The following RPH3A variants were observed in gnomAD, a reference collection of about 807,000 sequenced individuals.
The protein encoded by RPH3A is rabphilin-3A.
A neutral mutation model predicts 102.2 loss-of-function variants in RPH3A; 48 were observed. The observed-to-expected ratio is 0.47, with a 90% CI of 0.37 to 0.60. The LOEUF (loss-of-function observed/expected upper bound fraction) is 0.60. Among genes scored for constraint, RPH3A ranks in the 20% least tolerant of loss-of-function variants. RPH3A has a pLI of 0.00. For synonymous variants in RPH3A, 310 were observed against 324.3 expected, an observed-to-expected ratio of 0.96 and a Z score of 0.47; for missense variants, 781 against 910.1, an observed-to-expected ratio of 0.86 and a Z score of 1.83.
rs115689548 is a variant in RPH3A, at chr12:112,865,580, C to G, written c.360+37C>G. 1.1e-5 allele frequency: 18 copies of G among 1,602,758 alleles called. No homozygotes were observed. In the African/African-American group the frequency reaches 2.4e-4, roughly 22 times the overall value. The stretch of plus-strand genomic sequence containing the variant: ...CTCTTCTCCCTTCTTCCCTGTGCAG[C>G]ACCTGCAGAGGGGAAAGTCCTAGGC... On this transcript the variant is annotated intron_variant, in intron 6 of 21. Coordinates refer to ENST00000389385, the MANE Select transcript of RPH3A (RefSeq NM_001143854.2).
intron 1 of RPH3A, among the ~76,000 whole-genome samples, chr12:112,733,934 A>G (rs1260010847): frequency 6.6e-6 from 1 of 152,186 alleles, no homozygotes; most frequent in African/African-American, 2.4e-5. Context: ...TAGTATTATT[A>G]CTATGTTAAT....
chr12:112,615,575 C>T (rs530977453), intron 1 of RPH3A, among the ~76,000 whole-genome samples: 8 of 152,222 alleles, frequency 5.3e-5, no homozygotes, highest in Admixed American at 1.3e-4. Flanking sequence ...CTAGAGATCT[C>T]GGCTGCAGAA....
chr12:112,639,999 G>T (rs1265361031), intron 1 of RPH3A, among the ~76,000 whole-genome samples: 2 of 151,994 alleles, frequency 1.3e-5, no homozygotes, highest in African/African-American at 4.8e-5. Flanking sequence ...TCATACAGCT[G>T]GGAAATAGTG....
chr12:112,847,040 T>A (rs1441684530), intron 4 of RPH3A, among the ~76,000 whole-genome samples: 4 of 152,214 alleles, frequency 2.6e-5, no homozygotes, highest in African/African-American at 9.6e-5. Flanking sequence ...GAGGATTGAA[T>A]GAGGTAATGC....
At chr12:112,798,389 T>A (rs1327928636) in intron 2 of RPH3A, among the ~76,000 whole-genome samples, 1 of 152,242 alleles carries the variant, frequency 6.6e-6, no homozygotes, top group Non-Finnish European at 1.5e-5. Context: ...TGCATTTTTC[T>A]TTCTTTTTCC....
At chr12:112,589,614 C>A (rs909929129) in intron 1 of RPH3A, among the ~76,000 whole-genome samples, 2 of 152,142 alleles carry the variant, frequency 1.3e-5, no homozygotes, top group African/African-American at 4.8e-5. Context: ...ACTTTCTAGC[C>A]ATCTCTGGCT....
At chr12:112,817,849 G>A (rs533736685) in intron 2 of RPH3A, among the ~76,000 whole-genome samples, 7 of 152,258 alleles carry the variant, frequency 4.6e-5, no homozygotes, top group Admixed American at 1.3e-4. Flanking sequence ...ATTCAAGGGG[G>A]TTGCTGAAGG....
In RPH3A at chr12:112,896,904, C is replaced by T. The variant is rs892155657; in HGVS notation, c.*124C>T. ...CCATACCCTGCTGATCTCCCTGAGC[C>T]TGCCTTTGAGCCCCCGTCACGTTGG... On this transcript the variant is annotated 3_prime_UTR_variant, in exon 22 of 22. Transcript: ENST00000389385. 1 of 1,095,016 alleles carries T rather than the reference C, an allele frequency of 9.1e-7. No homozygotes were observed. The highest frequency in any genetic ancestry group is 1.3e-6 in the Non-Finnish European group (1 of 768,002). 67.8% of individuals were successfully genotyped at this position (1,095,016 alleles called of 1,614,324 possible). A position where few individuals can be genotyped will look rare whatever the true frequency, so the allele number is the denominator to read the frequency against.
chr12:112,577,399 G>A (rs375749665), intron 1 of RPH3A, among the ~76,000 whole-genome samples: 1 of 152,160 alleles, frequency 6.6e-6, no homozygotes, highest in Non-Finnish European at 1.5e-5. Flanking sequence ...TCATGCTGCC[G>A]GTGAGTGTGT....
At chr12:112,827,142 G>C (rs1254759526) in intron 2 of RPH3A, among the ~76,000 whole-genome samples, 1 of 152,088 alleles carries the variant, frequency 6.6e-6, no homozygotes, top group African/African-American at 2.4e-5. Flanking sequence ...TATTCTCACA[G>C]AGTTGTGGAT....
At chr12:112,708,353 C>T (rs1436417668) in intron 1 of RPH3A, among the ~76,000 whole-genome samples, 1 of 152,288 alleles carries the variant, frequency 6.6e-6, no homozygotes, top group East Asian at 1.9e-4. Context: ...CCTCTTTGGG[C>T]TGTCCAGGCG....
chr12:112,658,112 G>C (rs186526585), intron 1 of RPH3A, among the ~76,000 whole-genome samples: 21 of 152,290 alleles, frequency 1.4e-4, no homozygotes, highest in African/African-American at 5.1e-4. Context: ...ATCTCTGGAA[G>C]ACTTTGATGG....
chr12:112,755,523 G>T (rs1305072630), intron 1 of RPH3A, among the ~76,000 whole-genome samples: 1 of 152,146 alleles, frequency 6.6e-6, no homozygotes, highest in African/African-American at 2.4e-5. Flanking sequence ...TTGGCCAATT[G>T]GATGTTAGCT....
upstream of RPH3A, among the ~76,000 whole-genome samples, chr12:112,788,206 G>A (rs1285075199): frequency 2.0e-5 from 3 of 152,210 alleles, no homozygotes; most frequent in African/African-American, 7.2e-5. Context: ...GTTCCTAGAT[G>A]GCATGGTGAC....
chr12:112,778,801 A>G (rs1243057010), intron 1 of RPH3A, among the ~76,000 whole-genome samples: 4 of 152,220 alleles, frequency 2.6e-5, no homozygotes, highest in African/African-American at 7.2e-5. Flanking sequence ...AATGCCTGCA[A>G]AAGTTTCAGA....
chr12:112,655,674 G>A (rs1003670215), intron 1 of RPH3A, among the ~76,000 whole-genome samples: 4 of 144,492 alleles, frequency 2.8e-5, no homozygotes, highest in African/African-American at 1.0e-4. Flanking sequence ...AGGTCCCAGC[G>A]ATTCTGGTGC....
At chr12:112,670,738 A>G (rs1293362199) in intron 1 of RPH3A, among the ~76,000 whole-genome samples, 1 of 152,150 alleles carries the variant, frequency 6.6e-6, no homozygotes, top group Non-Finnish European at 1.5e-5. Flanking sequence ...AGTGTTTACC[A>G]TCTATTTCAA....
At chr12:112,614,987 G>A (rs1315586988) in intron 1 of RPH3A, among the ~76,000 whole-genome samples, 1 of 151,986 alleles carries the variant, frequency 6.6e-6, no homozygotes, top group Non-Finnish European at 1.5e-5. Flanking sequence ...GCATGACCAT[G>A]AAAGAACCCC....
Position 112,663,754 on chromosome 12 carries a change from G to A in RPH3A, c.-140+88435G>A, listed in dbSNP as rs1655754183. Among the ~76,000 whole-genome samples the A allele has an allele frequency of 2.6e-5, 4 of 152,262 alleles. No individual in the cohort carries two copies. In the South Asian group the frequency reaches 8.3e-4, roughly 32 times the overall value. ...GTCCAGACCAATACACCCCCAGCAT[G>A]TTGGCCTCATTGTCTCCTGCTACTG... On this transcript the variant is annotated intron_variant, in intron 1 of 21. Coordinates refer to the RPH3A transcript ENST00000543106.
Sources: allele counts gnomAD v4.1 joint callset (sites outside exome capture counted in the v4.1 genomes callset), GRCh38; gene constraint gnomAD v4.1.1; transcripts MANE v1.5; gene names NCBI Gene and HGNC (gene_info 2026-07-23, HGNC 2026-07-21).